The following MAGI2 variants were observed in gnomAD, a reference collection of about 807,000 sequenced individuals.
MAGI2 encodes membrane-associated guanylate kinase, WW and PDZ domain-containing protein 2.
A neutral mutation model predicts 133.3 loss-of-function variants in MAGI2; 35 were observed. The observed-to-expected ratio is 0.26, with a 90% CI of 0.20 to 0.35. The LOEUF (loss-of-function observed/expected upper bound fraction) is 0.35. MAGI2 is among the 10% of genes least tolerant of loss of function. MAGI2 has a pLI of 1.00. For synonymous variants in MAGI2, 729 were observed against 710.6 expected (o/e 1.03, Z -0.41); for missense variants, 1,636 against 1,863.4 (o/e 0.88, Z 2.25).
chr7:78,428,995 T>G (rs985838627), intron 6 of MAGI2, among the ~76,000 whole-genome samples: 1 of 152,164 alleles, frequency 6.6e-6, no homozygotes, highest in African/African-American at 2.4e-5. Context: ...AACAAAAAGT[T>G]AGTGACTAAA....
intron 6 of MAGI2, among the ~76,000 whole-genome samples, chr7:78,482,755 A>G (rs7804602): frequency 0.4 from 60,871 of 151,146 alleles, 13,005 homozygotes; most frequent in East Asian, 0.68. Context: ...TTGGTCAGGA[A>G]GAGGAGATAA....
chr7:78,844,909 T>C (rs943308022), intron 2 of MAGI2, among the ~76,000 whole-genome samples: 13 of 151,968 alleles, frequency 8.6e-5, no homozygotes, highest in Non-Finnish European at 1.3e-4. Context: ...GAGAATCATA[T>C]TGATGCCATC....
At position 78,963,124 on chromosome 7, in the gene MAGI2, AC is replaced by A. The variant is rs1357180092; in HGVS notation, c.418+43965del. Reference sequence around the variant, plus strand: ...GGATTATTCACCTACTTTAAAAAAAACAATTTTACTTGAACATGGCCACACT... The same window carrying A: ...GGATTATTCACCTACTTTAAAAAAAAAATTTTACTTGAACATGGCCACACT... On this transcript the variant is annotated intron_variant, in intron 2 of 21. Coordinates refer to ENST00000354212, the MANE Select transcript of MAGI2 (RefSeq NM_012301.4). Among the ~76,000 whole-genome samples the A allele has an allele frequency of 4.6e-5, 7 of 152,234 alleles. No homozygotes were observed. In the South Asian group the frequency reaches 1.2e-3, roughly 27 times the overall value.
chr7:78,415,466 C>T (rs1798214869), intron 6 of MAGI2, among the ~76,000 whole-genome samples: 2 of 152,066 alleles, frequency 1.3e-5, no homozygotes, highest in Non-Finnish European at 2.9e-5. Context: ...ACAATTCTGT[C>T]TATCTGTATG....
At chr7:78,965,349 T>A (rs1803219243) in intron 2 of MAGI2, among the ~76,000 whole-genome samples, 1 of 151,892 alleles carries the variant, frequency 6.6e-6, no homozygotes, top group Non-Finnish European at 1.5e-5. Flanking sequence ...TTTTTTTTTA[T>A]ATTTCAGAAA....
chr7:78,362,268 C>CT (rs1400675288), intron 7 of MAGI2, among the ~76,000 whole-genome samples: 78 of 152,256 alleles, frequency 5.1e-4, no homozygotes, highest in African/African-American at 1.8e-3. Context: ...CACCACTGTA[C>CT]TCCAGCCTGG....
chr7:78,362,565 T>G lies in MAGI2; in HGVS notation c.1103+6591A>C, dbSNP rs144452986. The stretch of plus-strand genomic sequence containing the variant: ...GTCTCGTGAGGCCTGATGACTGGTT[T>G]TATCCAGGCTAGGAGAAATGATGCC... On this transcript the variant is annotated intron_variant, in intron 7 of 21. Transcript: ENST00000354212. Among the ~76,000 whole-genome samples the G allele has an allele frequency of 2.0e-5, 3 of 152,272 alleles. No homozygotes were observed. In the East Asian group the frequency reaches 5.8e-4, roughly 29 times the overall value.
chr7:78,590,427 T>C (rs1262803828), intron 3 of MAGI2, among the ~76,000 whole-genome samples: 3 of 152,200 alleles, frequency 2.0e-5, no homozygotes, highest in African/African-American at 7.2e-5. Context: ...GCTTTGTCCC[T>C]TGGTGATCCC....
At chr7:78,696,583 C>G (rs1052535138) in intron 2 of MAGI2, among the ~76,000 whole-genome samples, 1 of 152,034 alleles carries the variant, frequency 6.6e-6, no homozygotes, top group Non-Finnish European at 1.5e-5. Flanking sequence ...ACAAATCTTG[C>G]ATCAGGTTTC....
intron 2 of MAGI2, among the ~76,000 whole-genome samples, chr7:78,700,315 TG>T (rs761246323): frequency 1.3e-5 from 2 of 152,152 alleles, no homozygotes; most frequent in Non-Finnish European, 2.9e-5. Flanking sequence ...ATGTTGTGGA[TG>T]TTTGTGAAAA....
chr7:78,858,915 G>T lies in MAGI2; in HGVS notation c.418+148175C>A, dbSNP rs528522533. ...CTAAGGACTTGCTTTATGAATCTGGGTGCTCCTGTATTGGGTGCATATATA... is the reference window on the plus strand; with the variant it reads ...CTAAGGACTTGCTTTATGAATCTGGTTGCTCCTGTATTGGGTGCATATATA... On this transcript the variant is annotated intron_variant, in intron 2 of 21. Transcript: ENST00000354212. Among the ~76,000 whole-genome samples the T allele has an allele frequency of 5.7e-4, 87 of 152,212 alleles. 1 individual carries two copies. In the East Asian group the frequency reaches 0.016, roughly 27 times the overall value.
intron 1 of MAGI2, among the ~76,000 whole-genome samples, chr7:79,158,639 CA>C (rs1187580427): frequency 2.0e-5 from 3 of 151,976 alleles, no homozygotes; most frequent in African/African-American, 4.8e-5. Flanking sequence ...TGAAAATAGT[CA>C]AATCCTGAGC....
intron 10 of MAGI2, chr7:78,253,069 G>C (rs1792592001): frequency 6.6e-6 from 1 of 151,892 alleles, no homozygotes; most frequent in East Asian, 1.9e-4. Flanking sequence ...CTACTCCTAG[G>C]TATCTACCCA....
chr7:79,378,945 T>TATAC (rs1265039857), intron 1 of MAGI2, among the ~76,000 whole-genome samples: 29 of 34,554 alleles, frequency 8.4e-4, no homozygotes, highest in Middle Eastern at 0.038. Flanking sequence ...TATATATATA[T>TATAC]ATATATATAT....
intron 2 of MAGI2, among the ~76,000 whole-genome samples, chr7:78,743,905 A>T (rs1822669488): frequency 6.6e-6 from 1 of 152,042 alleles, no homozygotes; most frequent in Non-Finnish European, 1.5e-5. Context: ...CTAACCTTCT[A>T]TCTGAAACTT....
chr7:78,048,829 CTG>C (rs1811702758), intron 21 of MAGI2, among the ~76,000 whole-genome samples: 2 of 152,200 alleles, frequency 1.3e-5, no homozygotes, highest in South Asian at 4.1e-4. Context: ...TGACTTCTGG[CTG>C]TGTGCGGCGG....
intron 1 of MAGI2, among the ~76,000 whole-genome samples, chr7:79,439,556 T>C (rs1848367249): frequency 6.6e-6 from 1 of 152,098 alleles, no homozygotes; most frequent in Non-Finnish European, 1.5e-5. Context: ...GTTTTAAAGT[T>C]TGCTTTTATA....
At chr7:78,080,922 G>A (rs796086944) in intron 20 of MAGI2, among the ~76,000 whole-genome samples, 27 of 152,196 alleles carry the variant, frequency 1.8e-4, no homozygotes, top group African/African-American at 5.8e-4. Flanking sequence ...CTCAATTCAG[G>A]CCTTTACATG....
At chr7:79,391,560 T>C (rs1178806838) in intron 1 of MAGI2, among the ~76,000 whole-genome samples, 1 of 68,426 alleles carries the variant, frequency 1.5e-5, no homozygotes, top group Non-Finnish European at 2.5e-5. Flanking sequence ...TATATATATA[T>C]ATACACACTT....
Sources: gnomAD v4.1 joint callset for allele counts (sites outside exome capture counted in the v4.1 genomes callset) on GRCh38, gnomAD v4.1.1 for gene constraint, MANE v1.5 for transcripts, NCBI Gene and HGNC (gene_info 2026-07-23, HGNC 2026-07-21) for gene names.